Variants in ITGA11 observed in about 807,000 individuals in gnomAD.
ITGA11 encodes the protein integrin alpha-11.
ITGA11 carries 97 observed loss-of-function variants against 141.9 expected under a neutral mutation model. That is an observed-to-expected ratio of 0.68 (90% CI 0.58 to 0.81). The LOEUF (loss-of-function observed/expected upper bound fraction) is 0.81, where lower values mean the gene tolerates loss of function less well. Ranked by LOEUF, ITGA11 falls within the 30% of genes least tolerant of loss-of-function variation. ITGA11 has a pLI of 0.00. For synonymous variants in ITGA11, 658 were observed against 624.6 expected (o/e 1.05, Z -0.80); for missense variants, 1,387 against 1,559.2 (o/e 0.89, Z 1.86).
chr15:68,405,132 A>T (rs1410636942), intron 1 of ITGA11, among the ~76,000 whole-genome samples: 1 of 147,676 alleles, frequency 6.8e-6, no homozygotes, highest in Non-Finnish European at 1.5e-5. Context: ...TATCATACAG[A>T]AACAAGTTAT....
At chr15:68,391,561 G>A (rs548659103) in intron 2 of ITGA11, among the ~76,000 whole-genome samples, 1 of 152,334 alleles carries the variant, frequency 6.6e-6, no homozygotes, top group South Asian at 2.1e-4. Context: ...GTGTCCAACA[G>A]GGGAGATGGG....
intron 1 of ITGA11, among the ~76,000 whole-genome samples, chr15:68,421,390 GCCAGAT>G (rs1897013771): frequency 2.0e-5 from 3 of 152,208 alleles, no homozygotes; most frequent in Admixed American, 6.5e-5. Context: ...ATGCAGGAGA[GCCAGAT>G]CACACGGGAC....
intron 2 of ITGA11, among the ~76,000 whole-genome samples, chr15:68,369,542 G>C (rs1895525117): frequency 6.6e-6 from 1 of 152,212 alleles, no homozygotes; most frequent in Non-Finnish European, 1.5e-5. Flanking sequence ...GACCACATGG[G>C]CTCTGCAACA....
Position 68,297,033 on chromosome 15 carries a change from G to A in ITGA11, c.*6026C>T, listed in dbSNP as rs10444805. ...TGGCTTACTGTCGCCTTGATCTTCC[G>A]GGCTCAAGTGATCCTCTCACCTCAG... On this transcript the variant is annotated 3_prime_UTR_variant, in exon 30 of 30. Transcript: ENST00000315757. The A allele has an allele frequency of 0.23, 34,366 of 152,074 alleles. 4,804 individuals carry two copies. The highest frequency in any genetic ancestry group is 0.31 in the Non-Finnish European group (21,370 of 67,986). 9.4% of individuals were successfully genotyped at this position (152,074 alleles called of 1,614,324 possible). A position where few individuals can be genotyped will look rare whatever the true frequency, so the allele number is the denominator to read the frequency against.
intron 2 of ITGA11, among the ~76,000 whole-genome samples, chr15:68,396,469 CTTAT>C (rs1379141088): frequency 3.9e-5 from 6 of 152,022 alleles, no homozygotes; most frequent in African/African-American, 1.4e-4. Flanking sequence ...GAGTTAACAT[CTTAT>C]TTAATTATGA....
rs77529686 is a variant in ITGA11, at chr15:68,419,043, C to T, written c.52+12972G>A. The stretch of plus-strand genomic sequence containing the variant: ...AAACTAAAAAAAGGAATTGTGGGGG[C>T]CCTTCCCTTCTAAGCCTGCAGGGCC... On this transcript the variant is annotated intron_variant, in intron 1 of 29. Transcript: ENST00000315757. Among the ~76,000 whole-genome samples the T allele has an allele frequency of 2.0e-3, 311 of 152,162 alleles. 1 individual carries two copies. The highest frequency in any genetic ancestry group is 7.2e-3 in the African/African-American group (298 of 41,518).
At chr15:68,383,889 G>A (rs1395228053) in intron 2 of ITGA11, among the ~76,000 whole-genome samples, 3 of 152,184 alleles carry the variant, frequency 2.0e-5, no homozygotes, top group African/African-American at 7.2e-5. Flanking sequence ...TGCTGTAGGG[G>A]GAGGCTGGTG....
At chr15:68,320,735 G>T (rs1225461452) in intron 19 of ITGA11, among the ~76,000 whole-genome samples, 1 of 152,188 alleles carries the variant, frequency 6.6e-6, no homozygotes, top group Non-Finnish European at 1.5e-5. Context: ...CTAATGTAGA[G>T]ATAATCCTTA....
chr15:68,303,463 C>T lies in ITGA11; in HGVS notation c.3495+309G>A, dbSNP rs11631030. Among the ~76,000 whole-genome samples, 43,754 of 151,762 alleles carry T rather than the reference C, an allele frequency of 0.29. 6,735 individuals carry two copies. Among genetic ancestry groups the T allele is most frequent in the Non-Finnish European group, 0.34 (23,057 of 67,926 alleles). On this transcript the variant is annotated intron_variant, in intron 29 of 29. Transcript: ENST00000315757. The surrounding 1 kb of genome is among the most constrained non-coding windows in gnomAD (Gnocchi z 5.3). ...GAGCTTCAGAGACAGAGATGGACTT[C>T]GGGAGGTTTGTTAACAGCTTGACAT...
intron 10 of ITGA11, among the ~76,000 whole-genome samples, chr15:68,345,502 C>G (rs1894716341): frequency 6.6e-6 from 1 of 152,188 alleles, no homozygotes; most frequent in East Asian, 1.9e-4. Flanking sequence ...CTTGCTAATT[C>G]AAAGACTGAT....
intron 11 of ITGA11, among the ~76,000 whole-genome samples, chr15:68,338,135 T>A (rs138382879): frequency 1.0e-3 from 157 of 152,354 alleles, no homozygotes; most frequent in African/African-American, 3.6e-3. Context: ...GTTTCCTCAC[T>A]TCCAGCACAG....
intron 8 of ITGA11, 75 bp from the exon 9 acceptor site, chr15:68,350,857 C>A (rs907295860): frequency 6.8e-7 from 1 of 1,481,284 alleles, no homozygotes; most frequent in Non-Finnish European, 9.1e-7. Context: ...CGGCCTAGAC[C>A]CTGGGGACCC....
At chr15:68,417,513 C>T (rs1322304493) in intron 1 of ITGA11, among the ~76,000 whole-genome samples, 2 of 152,176 alleles carry the variant, frequency 1.3e-5, no homozygotes, top group African/African-American at 4.8e-5. Context: ...TGCTCAGCTT[C>T]AAGCTATGCT....
chr15:68,374,329 AG>A (rs1440992553), intron 2 of ITGA11, among the ~76,000 whole-genome samples: 2 of 152,138 alleles, frequency 1.3e-5, no homozygotes, highest in African/African-American at 4.8e-5. Flanking sequence ...CTGCTTAGAC[AG>A]GGAACCCTGC....
chr15:68,413,355 C>A (rs1256244108), intron 1 of ITGA11, among the ~76,000 whole-genome samples: 2 of 152,322 alleles, frequency 1.3e-5, no homozygotes, highest in Admixed American at 1.3e-4. Context: ...TTAGTCCCCT[C>A]TATGGCCCTT....
At chr15:68,352,257 A>G (rs1894938573) in intron 7 of ITGA11, among the ~76,000 whole-genome samples, 1 of 150,638 alleles carries the variant, frequency 6.6e-6, no homozygotes, top group Admixed American at 6.6e-5. Flanking sequence ...CGGTGGCACA[A>G]TCTCAGCTCA....
At chr15:68,323,635 T>G (rs535154078) in intron 18 of ITGA11, among the ~76,000 whole-genome samples, 1 of 152,216 alleles carries the variant, frequency 6.6e-6, no homozygotes, top group Non-Finnish European at 1.5e-5. Context: ...TTTTCAGCTC[T>G]GTTTCTCACC....
At chr15:68,373,770 TG>T (rs1202620701) in intron 2 of ITGA11, among the ~76,000 whole-genome samples, 1 of 152,156 alleles carries the variant, frequency 6.6e-6, no homozygotes, top group Non-Finnish European at 1.5e-5. Context: ...AGTGAGTGAA[TG>T]CAAGGCCTGG....
intron 21 of ITGA11, 26 bp downstream of exon 21, chr15:68,317,239 T>G (rs746679373): frequency 1.9e-5 from 15 of 783,562 alleles, no homozygotes; most frequent in East Asian, 4.0e-5. Context: ...ACCCTGACCC[T>G]CCCCCACATT....
Sources: allele counts gnomAD v4.1 joint callset (sites outside exome capture counted in the v4.1 genomes callset), GRCh38; gene constraint gnomAD v4.1.1; non-coding constraint Gnocchi (gnomAD v3.1); transcripts MANE v1.5; gene names NCBI Gene and HGNC (gene_info 2026-07-23, HGNC 2026-07-21).